The following LRP1B variants were observed in gnomAD, a reference collection of about 807,000 sequenced individuals.
LRP1B encodes the protein low-density lipoprotein receptor-related protein 1B.
LRP1B carries 217 observed loss-of-function variants against 556.6 expected under a neutral mutation model. The ratio of observed to expected loss-of-function variants is 0.39; its 90% confidence interval spans 0.35 to 0.44. LRP1B has a LOEUF of 0.44. Ranked by LOEUF, LRP1B falls within the 20% of genes least tolerant of loss-of-function variation. The pLI is 1.00. For synonymous variants in LRP1B, 2,047 were observed against 1,865.8 expected (o/e 1.10, Z -2.50); for missense variants, 5,053 against 5,620.8 (o/e 0.90, Z 3.23).
intron 41 of LRP1B, among the ~76,000 whole-genome samples, chr2:140,611,992 A>T (rs1166656448): frequency 6.6e-6 from 1 of 152,150 alleles, no homozygotes; most frequent in Non-Finnish European, 1.5e-5. Flanking sequence ...AAAGGGTATA[A>T]ATGTAAACAC....
At chr2:141,088,887 G>A (rs1009840708) in intron 7 of LRP1B, among the ~76,000 whole-genome samples, 1 of 152,146 alleles carries the variant, frequency 6.6e-6, no homozygotes, top group East Asian at 1.9e-4. Context: ...AGGGCTGTGA[G>A]CAGCTTGATG....
intron 20 of LRP1B, among the ~76,000 whole-genome samples, chr2:140,924,749 A>G (rs1330383411): frequency 6.6e-6 from 1 of 152,152 alleles, no homozygotes; most frequent in Non-Finnish European, 1.5e-5. Flanking sequence ...TATCTAATTC[A>G]TTCTCACTTT....
chr2:141,711,260 T>TC (rs1558820687), intron 2 of LRP1B, among the ~76,000 whole-genome samples: 1 of 152,222 alleles, frequency 6.6e-6, no homozygotes, highest in East Asian at 1.9e-4. Context: ...GTAGCATACA[T>TC]CTGACTCTAG....
chr2:141,776,998 T>G (rs1695100830), intron 2 of LRP1B, among the ~76,000 whole-genome samples: 1 of 152,224 alleles, frequency 6.6e-6, no homozygotes, highest in Admixed American at 6.5e-5. Flanking sequence ...TTTTGTCATC[T>G]CTAAAACCAA....
rs141964717 is a variant in LRP1B at position 142,024,331 on chromosome 2, T to C, written c.82+106317A>G. 1.5e-3 allele frequency among the ~76,000 whole-genome samples: 227 copies of C among 152,340 alleles called. 1 individual carries two copies. Among genetic ancestry groups the C allele is most frequent in the Middle Eastern group, 3.4e-3 (1 of 294 alleles). On this transcript the variant is annotated intron_variant, in intron 1 of 90. Coordinates refer to ENST00000389484, the MANE Select transcript of LRP1B (RefSeq NM_018557.3). ...CAGTTATTTTAACAGTTTAGGGCAT[T>C]GTTCCTAACTTTGACCTGCATCAGA...
intron 3 of LRP1B, among the ~76,000 whole-genome samples, chr2:141,334,391 G>A (rs1258027691): frequency 6.6e-6 from 1 of 152,236 alleles, no homozygotes; most frequent in East Asian, 1.9e-4. Flanking sequence ...GTCCACTCCT[G>A]CTTTGACTTC....
intron 21 of LRP1B, among the ~76,000 whole-genome samples, chr2:140,917,846 T>C (rs548547136): frequency 1.2e-3 from 186 of 152,194 alleles, no homozygotes; most frequent in Non-Finnish European, 2.3e-3. Flanking sequence ...CCATAGACTT[T>C]GGATGAGAAA....
chr2:140,552,062 G>A (rs766267293), intron 43 of LRP1B, among the ~76,000 whole-genome samples: 28 of 150,664 alleles, frequency 1.9e-4, no homozygotes, highest in Non-Finnish European at 3.8e-4. Context: ...AAGCATCCAA[G>A]ATTTGAATTA....
chr2:140,237,812 A>AT (rs1320006094), intron 89 of LRP1B, among the ~76,000 whole-genome samples: 1 of 150,846 alleles, frequency 6.6e-6, no homozygotes, highest in Non-Finnish European at 1.5e-5. Flanking sequence ...TTGCTGTGTG[A>AT]TATCAATACT....
chr2:141,921,974 A>G (rs1468138478), intron 1 of LRP1B, among the ~76,000 whole-genome samples: 1 of 152,114 alleles, frequency 6.6e-6, no homozygotes, highest in Non-Finnish European at 1.5e-5. Context: ...AACCTTTCCA[A>G]AGAAAATCTA....
intron 47 of LRP1B, among the ~76,000 whole-genome samples, chr2:140,531,387 G>T (rs1690685651): frequency 6.6e-6 from 1 of 152,032 alleles, no homozygotes; most frequent in Non-Finnish European, 1.5e-5. Context: ...TCCAGTGTCT[G>T]ACTATATTTG....
At chr2:141,612,361 G>A (rs1688136327) in intron 2 of LRP1B, among the ~76,000 whole-genome samples, 1 of 152,180 alleles carries the variant, frequency 6.6e-6, no homozygotes, top group Non-Finnish European at 1.5e-5. Flanking sequence ...TGCCTTTAGA[G>A]TAGGCTTCAA....
Position 141,914,921 on chromosome 2 carries a change from A to G in LRP1B, c.83-104520T>C, listed in dbSNP as rs547249024. Among the ~76,000 whole-genome samples, 13 of 152,330 alleles carry G rather than the reference A, an allele frequency of 8.5e-5. No individual in the cohort carries two copies. In the South Asian group the frequency reaches 2.7e-3, roughly 32 times the overall value. On this transcript the variant is annotated intron_variant, in intron 1 of 90. Coordinates refer to ENST00000389484, the MANE Select transcript of LRP1B (RefSeq NM_018557.3). Reference sequence around the variant, plus strand: ...GAATCAATATCATAAAAATGGCCATACTACCCAAAGTATCTATAGATTCAA... The same window carrying G: ...GAATCAATATCATAAAAATGGCCATGCTACCCAAAGTATCTATAGATTCAA...
intron 1 of LRP1B, among the ~76,000 whole-genome samples, chr2:141,846,947 A>G (rs1217217522): frequency 6.6e-6 from 1 of 151,534 alleles, no homozygotes; most frequent in African/African-American, 2.4e-5. Flanking sequence ...ATTGATGAAC[A>G]TCAATGTTCC....
intron 1 of LRP1B, among the ~76,000 whole-genome samples, chr2:141,890,161 A>G (rs1699239216): frequency 6.6e-6 from 1 of 151,616 alleles, no homozygotes; most frequent in African/African-American, 2.4e-5. Context: ...TATAGTCTAG[A>G]TGGTCATACA....
intron 1 of LRP1B, among the ~76,000 whole-genome samples, chr2:141,973,769 A>C (rs1701808919): frequency 7.2e-6 from 1 of 139,120 alleles, no homozygotes; most frequent in Non-Finnish European, 1.6e-5. Context: ...TAGCTTTCAA[A>C]TATTGAAACA....
At chr2:141,107,132 T>C (rs1700624931) in intron 7 of LRP1B, among the ~76,000 whole-genome samples, 1 of 151,830 alleles carries the variant, frequency 6.6e-6, no homozygotes, top group African/African-American at 2.4e-5. Flanking sequence ...ATGTGATTTA[T>C]AAAAAAAATA....
In LRP1B at chr2:140,565,197, A is replaced by G. The variant is rs1365269456; in HGVS notation, c.7195-23226T>C. 1.2e-4 allele frequency among the ~76,000 whole-genome samples: 18 copies of G among 150,950 alleles called. 1 individual carries two copies. Among genetic ancestry groups the G allele is most frequent in the Admixed American group, 9.9e-4 (15 of 15,092 alleles). On this transcript the variant is annotated intron_variant, in intron 43 of 90. Coordinates refer to ENST00000389484, the MANE Select transcript of LRP1B (RefSeq NM_018557.3). ...ATATATTTTATTTTATGACATATAT[A>G]TCTGTATATATACACACATTGCTGA... is the stretch of plus-strand genomic sequence containing the variant.
At chr2:141,852,809 A>G (rs1352065694) in intron 1 of LRP1B, among the ~76,000 whole-genome samples, 1 of 151,756 alleles carries the variant, frequency 6.6e-6, no homozygotes, top group African/African-American at 2.4e-5. Flanking sequence ...AAAAAAATAC[A>G]AAAAATTAAA....
Sources: allele counts gnomAD v4.1 joint callset (sites outside exome capture counted in the v4.1 genomes callset), GRCh38; gene constraint gnomAD v4.1.1; transcripts MANE v1.5; gene names NCBI Gene and HGNC (gene_info 2026-07-23, HGNC 2026-07-21).